Variants in TACC1 observed in about 807,000 individuals in gnomAD.
TACC1 encodes transforming acidic coiled-coil containing protein 1, also known as transforming acidic coiled-coil-containing protein 1.
A neutral mutation model predicts 84.4 loss-of-function variants in TACC1; 48 were observed. The ratio of observed to expected loss-of-function variants is 0.57; its 90% confidence interval spans 0.45 to 0.72. The LOEUF is 0.72. Among genes scored for constraint, TACC1 ranks in the 30% least tolerant of loss-of-function variants. TACC1 has a pLI of 0.00. For synonymous variants in TACC1, 372 were observed against 376.3 expected, an observed-to-expected ratio of 0.99 and a Z score of 0.13; for missense variants, 920 against 973.0, an observed-to-expected ratio of 0.95 and a Z score of 0.72.
chr8:38,835,495 A>G (rs920043627), intron 6 of TACC1, among the ~76,000 whole-genome samples: 2 of 152,206 alleles, frequency 1.3e-5, no homozygotes, highest in Non-Finnish European at 2.9e-5. Context: ...ACACACAGGC[A>G]TGGTCCTTGA....
At chr8:38,733,082 G>C (rs535007377) in intron 1 of TACC1, among the ~76,000 whole-genome samples, 2 of 152,178 alleles carry the variant, frequency 1.3e-5, no homozygotes, top group Non-Finnish European at 2.9e-5. Context: ...TCCAGGTGTA[G>C]GTAAAATCGT....
At chr8:38,770,177 C>T (rs1813295011) in intron 3 of TACC1, among the ~76,000 whole-genome samples, 2 of 152,010 alleles carry the variant, frequency 1.3e-5, no homozygotes, top group Non-Finnish European at 1.5e-5. Flanking sequence ...ATGTCAGGAG[C>T]CCGCGGCTTC....
intron 2 of TACC1, among the ~76,000 whole-genome samples, chr8:38,801,564 C>G (rs1284301804): frequency 6.6e-6 from 1 of 152,178 alleles, no homozygotes; most frequent in Non-Finnish European, 1.5e-5. Flanking sequence ...AATTTTGTTT[C>G]TCTGATCTAT....
intron 1 of TACC1, among the ~76,000 whole-genome samples, chr8:38,735,211 A>C (rs779493429): frequency 6.6e-6 from 1 of 152,202 alleles, no homozygotes; most frequent in Non-Finnish European, 1.5e-5. Flanking sequence ...GAAACCCTTC[A>C]TTTCACAGCT....
chr8:38,764,960 A>C (rs1045732502), intron 3 of TACC1, among the ~76,000 whole-genome samples: 1 of 152,122 alleles, frequency 6.6e-6, no homozygotes, highest in Non-Finnish European at 1.5e-5. Context: ...TTAGCCAGGC[A>C]TGGTGGCAGG....
chr8:38,764,066 A>T (rs1811732578), intron 3 of TACC1, among the ~76,000 whole-genome samples: 1 of 152,130 alleles, frequency 6.6e-6, no homozygotes, highest in African/African-American at 2.4e-5. Context: ...CATGACAGTG[A>T]CTGCTCAGCA....
rs147316576 is a variant in TACC1, at chr8:38,760,679, A to G, written c.26+15186A>G. Among the ~76,000 whole-genome samples, 626 of 152,070 alleles carry G rather than the reference A, an allele frequency of 4.1e-3. 4 individuals carry two copies. Among genetic ancestry groups the G allele is most frequent in the African/African-American group, 0.014 (597 of 41,484 alleles). On this transcript the variant is annotated intron_variant, in intron 3 of 14. Transcript: ENST00000518415. ...GCTAGGATTACAGGCGCATACCACC[A>G]TGCCCGGCTAGTTTTTATTTTTAGT... is the stretch of plus-strand genomic sequence containing the variant.
chr8:38,757,564 T>G (rs1309740172), intron 3 of TACC1, among the ~76,000 whole-genome samples: 1 of 151,584 alleles, frequency 6.6e-6, no homozygotes. Context: ...CACGAGAGTT[T>G]GGCCAGCAGG....
intron 3 of TACC1, among the ~76,000 whole-genome samples, chr8:38,766,597 A>C (rs187346829): frequency 1.3e-5 from 2 of 152,266 alleles, no homozygotes; most frequent in Non-Finnish European, 2.9e-5. Flanking sequence ...TCCCTTGATA[A>C]TATGATCGAA....
chr8:38,827,072 A>G (rs917639395), intron 4 of TACC1, 96 bp from the exon 5 acceptor site: 2 of 1,041,970 alleles, frequency 1.9e-6, no homozygotes, highest in Non-Finnish European at 2.9e-6. Flanking sequence ...ACATATCTGT[A>G]TGGAGTTGTG....
intron 3 of TACC1, 22 bp downstream of exon 3, chr8:38,820,657 G>A (rs867192191): frequency 2.5e-6 from 4 of 1,587,314 alleles, no homozygotes; most frequent in Middle Eastern, 1.7e-4. Context: ...TGGGCGCTGG[G>A]TGTCGTGCTC....
chr8:38,745,668 C>T lies in TACC1; in HGVS notation c.26+175C>T, dbSNP rs573197694. Among the ~76,000 whole-genome samples the T allele has an allele frequency of 6.4e-4, 97 of 152,002 alleles. 1 individual carries two copies. Among genetic ancestry groups the T allele is most frequent in the Admixed American group, 4.7e-3 (71 of 15,264 alleles). On this transcript the variant is annotated intron_variant, in intron 3 of 14. Coordinates refer to the TACC1 transcript ENST00000518415. ...AAGGAATTCTCCTGTCTCAGCCTTC[C>T]GAGTAGCTGGGACTACAGGCGCACG...
Position 38,831,109 on chromosome 8 carries a change from T to G in TACC1, c.1661-16T>G. 1 of 1,614,030 alleles carries G rather than the reference T, an allele frequency of 6.2e-7. No homozygotes were observed. The highest frequency in any genetic ancestry group is 1.1e-5 in the South Asian group (1 of 91,072). Reference sequence around the variant, plus strand: ...CGACTTCTTGGGATAACTATAAAAATGACTTTCTGTCTTAGGCATAGAGAA... The same window carrying G: ...CGACTTCTTGGGATAACTATAAAAAGGACTTTCTGTCTTAGGCATAGAGAA... On this transcript the variant is annotated splice_polypyrimidine_tract_variant and intron_variant, in intron 5 of 12. Coordinates refer to ENST00000317827, the MANE Select transcript of TACC1 (RefSeq NM_006283.3).
At position 38,820,539 on chromosome 8, in the gene TACC1, C is replaced by G; in HGVS notation, c.1295C>G (p.Thr432Ser). 6.2e-7 allele frequency: 1 copy of G among 1,614,178 alleles called. No individual in the cohort carries two copies. The highest frequency in any genetic ancestry group is 1.3e-5 in the African/African-American group (1 of 75,046). ...GAATCCATGGATCCCTTTAAACCAA[C>G]TACGACCTTAACAAGCAGTGACTTT... ...FDESMDPFKP[T>S]TTLTSSDFCS... is the part of the protein sequence containing the mutation. Residue 432 changes from threonine (T) to serine (S), a missense_variant, in exon 3 of 13, where the codon ACT becomes AGT. Coordinates refer to ENST00000317827, the MANE Select transcript of TACC1 (RefSeq NM_006283.3).
upstream of TACC1, among the ~76,000 whole-genome samples, chr8:38,783,562 C>T (rs1816571290): frequency 6.6e-6 from 1 of 152,000 alleles, no homozygotes; most frequent in Admixed American, 6.6e-5. Flanking sequence ...GCTGGAATTA[C>T]AGGCGCCTGC....
At chr8:38,742,397 G>A (rs1296750646) in exon 2 of TACC1, 2 of 1,511,880 alleles carry the variant, frequency 1.3e-6, no homozygotes, top group Admixed American at 2.0e-5. Context: ...TTGATTGCTG[G>A]CATGTTTACT....
chr8:38,837,772 G>A (rs1297957820), intron 7 of TACC1, among the ~76,000 whole-genome samples: 3 of 152,186 alleles, frequency 2.0e-5, no homozygotes, highest in Non-Finnish European at 1.5e-5. Context: ...AGAGCGGCAC[G>A]GCCAGGGAAG....
chr8:38,788,744 ACCCCGATCCGAT>A lies in TACC1; in HGVS notation c.204_215del (p.Ile70_Pro73del). 1 of 1,613,838 alleles carries A rather than the reference ACCCCGATCCGAT, an allele frequency of 6.2e-7. No individual in the cohort carries two copies. The highest frequency in any genetic ancestry group is 1.1e-5 in the South Asian group (1 of 91,010). ...TAATTTTGAGACTCCTGAAGCTGAA[ACCCCGATCCGAT>A]CACCTTTCAAGGAGTCCTGTGATCC... On this transcript the variant is annotated inframe_deletion, in exon 2 of 13. Coordinates refer to ENST00000317827, the MANE Select transcript of TACC1 (RefSeq NM_006283.3).
intron 2 of TACC1, among the ~76,000 whole-genome samples, chr8:38,791,782 G>C (rs1818726702): frequency 6.6e-6 from 1 of 152,202 alleles, no homozygotes; most frequent in Non-Finnish European, 1.5e-5. Flanking sequence ...AGTTAGTCAG[G>C]AGTTGGAGTT....
Sources: gnomAD v4.1 joint callset for allele counts (sites outside exome capture counted in the v4.1 genomes callset) on GRCh38, gnomAD v4.1.1 for gene constraint, MANE v1.5 for transcripts, NCBI Gene and HGNC (gene_info 2026-07-23, HGNC 2026-07-21) for gene names.